Variants in IP6K2 observed in about 807,000 individuals in gnomAD.
The protein encoded by IP6K2 is ATP:1D-myo-inositol-hexakisphosphate phosphotransferase.
A neutral mutation model predicts 43.3 loss-of-function variants in IP6K2; 9 were observed. That is an observed-to-expected ratio of 0.21 (90% CI 0.13 to 0.36). The LOEUF (loss-of-function observed/expected upper bound fraction) is 0.36. IP6K2 is among the 10% of genes least tolerant of loss of function. The pLI, the probability that IP6K2 is intolerant of heterozygous loss-of-function variation, is 1.00. For missense variants in IP6K2, 332 were observed against 538.4 expected, an observed-to-expected ratio of 0.62 and a Z score of 3.79; for synonymous variants, 209 against 202.4, an observed-to-expected ratio of 1.03 and a Z score of -0.28.
At chr3:48,705,970 C>A (rs2079713079) in intron 1 of IP6K2, among the ~76,000 whole-genome samples, 1 of 151,612 alleles carries the variant, frequency 6.6e-6, no homozygotes, top group Non-Finnish European at 1.5e-5. Context: ...CTTTGGGAGG[C>A]CAAGGCAGGT....
In IP6K2 at chr3:48,695,461, G is replaced by A. The variant is rs1272327081; in HGVS notation, c.-130-40C>T. On this transcript the variant is annotated intron_variant, in intron 1 of 5. Transcript: ENST00000328631. This position sits in a 1 kb window ranked among gnomAD's most constrained non-coding sequence, Gnocchi z 4.6. ...AATGATGACATGGGGGTTCGAAGTA[G>A]CGTGGGAAGTGCCTTAGAGCTGCTC... 1 of 1,399,546 alleles carries A rather than the reference G, an allele frequency of 7.1e-7. No homozygotes were observed. The highest frequency in any genetic ancestry group is 9.3e-7 in the Non-Finnish European group (1 of 1,074,798). The allele number at this position is 1,399,546 out of a possible 1,614,324, so 86.7% of individuals were successfully genotyped here. A position where few individuals can be genotyped will look rare whatever the true frequency, so the allele number is the denominator to read the frequency against.
intron 1 of IP6K2, among the ~76,000 whole-genome samples, chr3:48,703,548 CAAAAAA>C (rs35725171): frequency 1.4e-5 from 1 of 69,872 alleles, no homozygotes; most frequent in East Asian, 4.4e-4. Context: ...ACTAAAAATA[CAAAAAA>C]AAAAAAAAAA....
chr3:48,716,480 AAAATG>A (rs1427773597), intron 1 of IP6K2: 52 of 152,366 alleles, frequency 3.4e-4, no homozygotes, highest in African/African-American at 9.4e-4. Flanking sequence ...ATACAATCCT[AAAATG>A]AAATAAGCCA....
In IP6K2 at chr3:48,688,353, C is replaced by A; in HGVS notation, c.1201G>T (p.Gly401Cys). The change falls in exon 6 of 6, where the codon GGC becomes TGC. Residue 401 changes from glycine to cysteine, a missense_variant. Coordinates refer to ENST00000328631, the MANE Select transcript of IP6K2 (RefSeq NM_016291.4). This position sits in a 1 kb window ranked among gnomAD's most constrained non-coding sequence, Gnocchi z 5.1. ...CCGAAGATATAGCCAGCATCCTGGC[C>A]CTCATGCACCACGGTGTCCTCGCCA... ...LYGEDTVVHEGQDAGYIFGLQ... is the reference protein window; with the variant it reads ...LYGEDTVVHECQDAGYIFGLQ... 1 of 1,614,226 alleles carries A rather than the reference C, an allele frequency of 6.2e-7. No homozygotes were observed.
In IP6K2 at chr3:48,689,718, G is replaced by T. The variant is rs1440689420; in HGVS notation, c.605-5C>A. 8 of 1,612,746 alleles carry T rather than the reference G, an allele frequency of 5.0e-6. No individual in the cohort carries two copies. In the African/African-American group the frequency reaches 9.3e-5, roughly 19 times the overall value. On this transcript the variant is annotated splice_region_variant and splice_polypyrimidine_tract_variant and intron_variant, in intron 4 of 5. Coordinates refer to ENST00000328631, the MANE Select transcript of IP6K2 (RefSeq NM_016291.4). The stretch of plus-strand genomic sequence containing the variant: ...GGTTTTCCAGTAAGATAAATTCTGA[G>T]TAGTTAAGAATAATACCCCCAAAAG...
intron 1 of IP6K2, among the ~76,000 whole-genome samples, chr3:48,710,753 G>A (rs761351675): frequency 6.6e-6 from 1 of 152,122 alleles, no homozygotes; most frequent in Non-Finnish European, 1.5e-5. Context: ...GGGACTACAG[G>A]TGGCCACCAC....
chr3:48,692,871 A>C, intron 3 of IP6K2, 83 bp downstream of exon 3: 1 of 956,176 alleles, frequency 1.0e-6, no homozygotes, highest in Non-Finnish European at 1.6e-6. Flanking sequence ...TTCAGTCCTT[A>C]GCTCCAGGGA....
chr3:48,690,798 A>G (rs563396566), intron 4 of IP6K2, among the ~76,000 whole-genome samples: 46 of 151,240 alleles, frequency 3.0e-4, no homozygotes, highest in Non-Finnish European at 5.2e-4. Context: ...AAAAAAAAAA[A>G]AAAAAGAAAA....
chr3:48,692,933 T>C, intron 3 of IP6K2, 21 bp downstream of exon 3: 1 of 1,556,324 alleles, frequency 6.4e-7, no homozygotes, highest in Non-Finnish European at 8.8e-7. Flanking sequence ...TAGCCCAGAG[T>C]TGCCCTCTGT....
At chr3:48,704,529 C>T (rs759043719) in intron 1 of IP6K2, among the ~76,000 whole-genome samples, 10 of 150,962 alleles carry the variant, frequency 6.6e-5, no homozygotes, top group Non-Finnish European at 2.9e-5. Context: ...AGTGCAGTGG[C>T]GTAATCTCAG....
intron 1 of IP6K2, among the ~76,000 whole-genome samples, chr3:48,714,758 G>C (rs1461517043): frequency 6.8e-6 from 1 of 148,060 alleles, no homozygotes; most frequent in Non-Finnish European, 1.5e-5. Flanking sequence ...TGAGGCAGGA[G>C]AATGGCGTGA....
At chr3:48,694,905 G>C in intron 2 of IP6K2, 185 bp downstream of exon 2, 1 of 1,543,412 alleles carries the variant, frequency 6.5e-7, no homozygotes, top group African/African-American at 1.4e-5. Context: ...AATCTTACCA[G>C]GGATTGAAAA....
chr3:48,692,217 T>A (rs1435189086), intron 3 of IP6K2, among the ~76,000 whole-genome samples: 1 of 152,206 alleles, frequency 6.6e-6, no homozygotes, highest in Non-Finnish European at 1.5e-5. Flanking sequence ...CTCTGAACAC[T>A]CCAAATGGGT....
chr3:48,690,859 C>G (rs2077722040), intron 4 of IP6K2, among the ~76,000 whole-genome samples: 1 of 151,928 alleles, frequency 6.6e-6, no homozygotes, highest in South Asian at 2.1e-4. Flanking sequence ...CAAATATTTC[C>G]TTATGCACAG....
At position 48,695,345 on chromosome 3, in the gene IP6K2, G is replaced by C. The variant is rs764102951; in HGVS notation, c.-54C>G. 3 of 1,558,256 alleles carry C rather than the reference G, an allele frequency of 1.9e-6. No individual in the cohort carries two copies. Among genetic ancestry groups the C allele is most frequent in the African/African-American group, 1.4e-5 (1 of 73,418 alleles). On this transcript the variant is annotated 5_prime_UTR_variant, in exon 2 of 6. Coordinates refer to ENST00000328631, the MANE Select transcript of IP6K2 (RefSeq NM_016291.4). The surrounding 1 kb of genome is among the most constrained non-coding windows in gnomAD (Gnocchi z 4.6). ...GGGAGGCAGCGGAGTCCAGCGGCCA[G>C]TACGTCTTCTGTCTGTTGTTTGTCC...
intron 3 of IP6K2, among the ~76,000 whole-genome samples, chr3:48,692,345 C>T (rs1043633743): frequency 1.8e-4 from 28 of 152,300 alleles, no homozygotes; most frequent in African/African-American, 6.3e-4. Context: ...GCCCCTGCTC[C>T]CCAGCCCTGT....
Position 48,715,528 on chromosome 3 carries a change from C to T in IP6K2, c.-131+1629G>A, listed in dbSNP as rs979282964. On this transcript the variant is annotated intron_variant, in intron 1 of 5. Coordinates refer to ENST00000328631, the MANE Select transcript of IP6K2 (RefSeq NM_016291.4). ...GTGTACCTGTCTGTCACCTAGGAAG[C>T]TTTGAAACACAAAAGAAATCTATTA... 1.1e-5 allele frequency: 16 copies of T among 1,436,100 alleles called. No individual in the cohort carries two copies. In the Admixed American group the frequency reaches 1.4e-4, roughly 12 times the overall value. The allele number at this position is 1,436,100 out of a possible 1,614,324, so 89.0% of individuals were successfully genotyped here.
At chr3:48,705,461 G>A (rs992002887) in intron 1 of IP6K2, among the ~76,000 whole-genome samples, 1 of 151,350 alleles carries the variant, frequency 6.6e-6, no homozygotes, top group East Asian at 2.0e-4. Flanking sequence ...GGCGGATCAC[G>A]AGGTCAAGAG....
intron 1 of IP6K2, among the ~76,000 whole-genome samples, chr3:48,711,894 A>G (rs191308315): frequency 3.9e-5 from 6 of 152,244 alleles, no homozygotes; most frequent in African/African-American, 7.2e-5. Flanking sequence ...AGCCAAGCAT[A>G]TAACTCCACA....
Sources: gnomAD v4.1 joint callset for allele counts (sites outside exome capture counted in the v4.1 genomes callset) on GRCh38, gnomAD v4.1.1 for gene constraint, Gnocchi (gnomAD v3.1) non-coding constraint, MANE v1.5 for transcripts, NCBI Gene and HGNC (gene_info 2026-07-23, HGNC 2026-07-21) for gene names.